Variants in FGD3 observed in about 807,000 individuals in gnomAD.
FGD3 encodes FYVE, RhoGEF and PH domain containing 3.
FGD3 carries 45 observed loss-of-function variants against 71.8 expected under a neutral mutation model. That is an observed-to-expected ratio of 0.63 (90% confidence interval 0.49 to 0.80). The LOEUF (loss-of-function observed/expected upper bound fraction) is 0.80, where lower values mean the gene tolerates loss of function less well. Among genes scored for constraint, FGD3 ranks in the 30% least tolerant of loss-of-function variants. The pLI is 0.00. For synonymous variants in FGD3, 378 were observed against 392.8 expected, an observed-to-expected ratio of 0.96 and a Z score of 0.44; for missense variants, 844 against 951.5, an observed-to-expected ratio of 0.89 and a Z score of 1.49.
At chr9:93,032,209 A>G (rs567883125) in intron 15 of FGD3, among the ~76,000 whole-genome samples, 1 of 152,288 alleles carries the variant, frequency 6.6e-6, no homozygotes, top group African/African-American at 2.4e-5. Flanking sequence ...TTGTGGGTAC[A>G]TACCCCGAGT....
At chr9:93,018,548 A>T (rs1204902001) in intron 11 of FGD3, among the ~76,000 whole-genome samples, 2 of 152,180 alleles carry the variant, frequency 1.3e-5, no homozygotes, top group African/African-American at 4.8e-5. Context: ...GCAAGGAAGC[A>T]ATCATGATGA....
intron 1 of FGD3, among the ~76,000 whole-genome samples, chr9:92,971,566 CTTTTTTTTTTTTTTTTT>C (rs869043960): frequency 5.1e-5 from 2 of 39,570 alleles, no homozygotes; most frequent in South Asian, 1.3e-3. Flanking sequence ...CTTTTCTTTT[CTTTTTTTTTTTTTTTTT>C]TTTTTTTTTT....
At chr9:92,960,897 G>C (rs1859156339) in intron 1 of FGD3, among the ~76,000 whole-genome samples, 1 of 151,936 alleles carries the variant, frequency 6.6e-6, no homozygotes, top group Admixed American at 6.6e-5. Context: ...CTCCTGGTGG[G>C]TGGGCCCTCC....
At chr9:92,961,482 G>A (rs1233481657) in intron 1 of FGD3, among the ~76,000 whole-genome samples, 2 of 152,196 alleles carry the variant, frequency 1.3e-5, no homozygotes, top group African/African-American at 2.4e-5. Flanking sequence ...CAGAGAAATT[G>A]GAATATGTGT....
At chr9:92,953,589 A>T (rs542889878) in intron 1 of FGD3, among the ~76,000 whole-genome samples, 4 of 152,292 alleles carry the variant, frequency 2.6e-5, no homozygotes, top group African/African-American at 9.6e-5. Flanking sequence ...GTGTCCAGGG[A>T]TATTTTCCCC....
intron 17 of FGD3, 90 bp from the exon 18 acceptor site, chr9:93,035,248 G>A: frequency 1.3e-6 from 2 of 1,512,944 alleles, no homozygotes; most frequent in Non-Finnish European, 1.8e-6. Flanking sequence ...AAGGGTCTGG[G>A]AGTGGCCTCC....
chr9:93,032,911 C>T lies in FGD3; in HGVS notation c.1785+38C>T, dbSNP rs370927634. 58 of 1,581,544 alleles carry T rather than the reference C, an allele frequency of 3.7e-5. No individual in the cohort carries two copies. In the Middle Eastern group the frequency reaches 6.7e-4, roughly 18 times the overall value. On this transcript the variant is annotated intron_variant, in intron 16 of 17. Coordinates refer to ENST00000375482, the MANE Select transcript of FGD3 (RefSeq NM_001083536.2). ...AGCTCCTGCTCCCCTCCTGGTGGCG[C>T]GGCAGAGCCTCCAGACACCTGCTCC...
At chr9:93,016,461 C>T (rs1452017312) in intron 10 of FGD3, among the ~76,000 whole-genome samples, 1 of 151,602 alleles carries the variant, frequency 6.6e-6, no homozygotes, top group Non-Finnish European at 1.5e-5. Context: ...CCTCACCCTC[C>T]TGTGTAGCTG....
chr9:92,976,151 T>G, intron 2 of FGD3, 57 bp from the exon 3 acceptor site: 1 of 1,091,504 alleles, frequency 9.2e-7, no homozygotes, highest in Non-Finnish European at 1.3e-6. Flanking sequence ...GGGTTGCACC[T>G]GAGGGTGCTG....
intron 1 of FGD3, chr9:92,964,310 G>A (rs373262499): frequency 3.3e-5 from 5 of 152,242 alleles, no homozygotes; most frequent in African/African-American, 1.2e-4. Context: ...GCTATTGCAC[G>A]AAGTTCAGCC....
At chr9:93,033,746 C>T (rs973762760) in intron 16 of FGD3, 2 of 152,360 alleles carry the variant, frequency 1.3e-5, no homozygotes, top group East Asian at 3.8e-4. Context: ...GTGTTGATCT[C>T]CCTCCTAGAG....
chr9:92,997,793 G>A (rs1417054829), intron 3 of FGD3, among the ~76,000 whole-genome samples: 1 of 152,116 alleles, frequency 6.6e-6, no homozygotes, highest in African/African-American at 2.4e-5. Context: ...GTTGAATATT[G>A]GCCCCCACTC....
At chr9:93,013,039 G>A (rs1861499985) in intron 8 of FGD3, among the ~76,000 whole-genome samples, 1 of 152,028 alleles carries the variant, frequency 6.6e-6, no homozygotes, top group East Asian at 1.9e-4. Context: ...GTAGTGGGCA[G>A]GTGCACACCC....
In FGD3 at chr9:92,996,315, G is replaced by A. The variant is rs374984192; in HGVS notation, c.454-6610G>A. ...TGGTAGTTTGTATTTCTGTGGGATC[G>A]GTGGTGATATCCTCTTTATCATTTT... On this transcript the variant is annotated intron_variant, in intron 3 of 17. Transcript: ENST00000375482. Among the ~76,000 whole-genome samples, 447 of 152,148 alleles carry A rather than the reference G, an allele frequency of 2.9e-3. 7 individuals are homozygous for A. The highest frequency in any genetic ancestry group is 0.01 in the African/African-American group (417 of 41,516).
intron 9 of FGD3, among the ~76,000 whole-genome samples, chr9:93,015,472 G>A (rs1861638073): frequency 2.0e-5 from 3 of 151,672 alleles, no homozygotes; most frequent in Admixed American, 6.6e-5. Flanking sequence ...AATAAAAAAA[G>A]GTTTTTTTTT....
chr9:93,018,103 G>T, intron 10 of FGD3, 33 bp from the exon 11 acceptor site: 1 of 1,602,242 alleles, frequency 6.2e-7, no homozygotes, highest in East Asian at 2.2e-5. Flanking sequence ...GACCAGCTTG[G>T]GTTTGCTTTG....
intron 1 of FGD3, among the ~76,000 whole-genome samples, chr9:92,958,595 T>G (rs73651342): frequency 0.016 from 2,464 of 152,318 alleles, 59 homozygotes; most frequent in African/African-American, 0.054. Flanking sequence ...AAAGTTTTTT[T>G]TGTGTGTGGC....
chr9:93,003,122 GGTCTACAAACT>G lies in FGD3; in HGVS notation c.543+109_543+119del. 1 of 1,112,544 alleles carries G rather than the reference GGTCTACAAACT, an allele frequency of 9.0e-7. No individual in the cohort carries two copies. The highest frequency in any genetic ancestry group is 1.3e-6 in the Non-Finnish European group (1 of 772,810). The allele number at this position is 1,112,544 out of a possible 1,614,324, so 68.9% of individuals were successfully genotyped here. A position where few individuals can be genotyped will look rare whatever the true frequency, so the allele number is the denominator to read the frequency against. On this transcript the variant is annotated intron_variant, in intron 4 of 17. Transcript: ENST00000375482. This position sits in a 1 kb window ranked among gnomAD's most constrained non-coding sequence, Gnocchi z 4.1. ...CTAAAACTCAGACAAATTTAAGTCT[GGTCTACAAACT>G]TTTTTTTTTTTTTGAGACAAAGTCT... is the stretch of plus-strand genomic sequence containing the variant.
chr9:93,015,982 G>T (rs1215831190), intron 10 of FGD3, among the ~76,000 whole-genome samples, 153 bp downstream of exon 10: 1 of 152,174 alleles, frequency 6.6e-6, no homozygotes, highest in Non-Finnish European at 1.5e-5. Context: ...TGTGACCAAG[G>T]CATTGTCTCA....
Sources: gnomAD v4.1 joint callset for allele counts (sites outside exome capture counted in the v4.1 genomes callset) on GRCh38, gnomAD v4.1.1 for gene constraint, Gnocchi (gnomAD v3.1) non-coding constraint, MANE v1.5 for transcripts, NCBI Gene and HGNC (gene_info 2026-07-23, HGNC 2026-07-21) for gene names.